Variants in PTPRT observed in about 807,000 individuals in gnomAD.
The protein encoded by PTPRT is protein tyrosine phosphatase receptor type T.
In PTPRT, 56 loss-of-function variants were observed where a neutral mutation model predicts 176.8. The observed-to-expected ratio is 0.32, with a 90% confidence interval of 0.26 to 0.40. The LOEUF (loss-of-function observed/expected upper bound fraction) is 0.40. PTPRT is among the 10% of genes least tolerant of loss of function. The pLI is 1.00. For synonymous variants in PTPRT, 783 were observed against 739.0 expected (o/e 1.06, Z -0.96); for missense variants, 1,540 against 1,908.2 (o/e 0.81, Z 3.60).
intron 6 of PTPRT, among the ~76,000 whole-genome samples, chr20:42,709,504 C>T (rs1185209861): frequency 6.6e-6 from 1 of 152,132 alleles, no homozygotes; most frequent in Non-Finnish European, 1.5e-5. Flanking sequence ...TTCCTGGGGC[C>T]CTTGCTAGAA....
chr20:42,072,224 A>G (rs1982376387), downstream of PTPRT, among the ~76,000 whole-genome samples: 1 of 152,228 alleles, frequency 6.6e-6, no homozygotes, highest in African/African-American at 2.4e-5. Flanking sequence ...GTAACAGCTC[A>G]TGTGCCCCAG....
In PTPRT at chr20:42,078,119, TC is replaced by T; in HGVS notation, c.*2759del. On this transcript the variant is annotated 3_prime_UTR_variant, in exon 31 of 31. Coordinates refer to ENST00000373187, the MANE Select transcript of PTPRT (RefSeq NM_007050.6). ...GGCCAGCAGGCCCAGTGGGGGTGGG[TC>T]CCCGGGGTCTGCTGAAATACACCTG... 1 of 187,658 alleles carries T rather than the reference TC, an allele frequency of 5.3e-6. No homozygotes were observed. The allele number at this position is 187,658 out of a possible 1,614,324, so 11.6% of individuals were successfully genotyped here.
At chr20:42,785,294 T>G (rs980380672) in intron 3 of PTPRT, among the ~76,000 whole-genome samples, 7 of 152,214 alleles carry the variant, frequency 4.6e-5, no homozygotes, top group Non-Finnish European at 8.8e-5. Context: ...ATTTCAGTGT[T>G]TATTACAGAG....
chr20:42,460,532 T>A (rs2071000312), intron 8 of PTPRT, among the ~76,000 whole-genome samples: 1 of 152,132 alleles, frequency 6.6e-6, no homozygotes, highest in South Asian at 2.1e-4. Context: ...TGATATGGTT[T>A]GGCTGTGACC....
chr20:42,716,080 G>T (rs1172282050), intron 6 of PTPRT, among the ~76,000 whole-genome samples: 1 of 152,070 alleles, frequency 6.6e-6, no homozygotes, highest in Non-Finnish European at 1.5e-5. Flanking sequence ...TTCCACTCTT[G>T]GTGGCTGCTC....
At chr20:42,292,057 T>G (rs1201222202) in intron 12 of PTPRT, among the ~76,000 whole-genome samples, 1 of 152,080 alleles carries the variant, frequency 6.6e-6, no homozygotes, top group Non-Finnish European at 1.5e-5. Context: ...ACCTCAACCT[T>G]TCCCTACCTT....
rs369441095 is a variant in PTPRT at position 42,926,852 on chromosome 20, C to T, written c.89-40920G>A. On this transcript the variant is annotated intron_variant, in intron 1 of 30. Coordinates refer to ENST00000373187, the MANE Select transcript of PTPRT (RefSeq NM_007050.6). Reference sequence around the variant, plus strand: ...CTTACAATGCATCCCCAAGAAAGGACGGCAGCTGCCACAAATGCTGCCATC... The same window carrying T: ...CTTACAATGCATCCCCAAGAAAGGATGGCAGCTGCCACAAATGCTGCCATC... Among the ~76,000 whole-genome samples, 24 of 152,292 alleles carry T rather than the reference C, an allele frequency of 1.6e-4. No individual in the cohort carries two copies. In the East Asian group the frequency reaches 3.5e-3, roughly 22 times the overall value.
chr20:43,116,404 C>T (rs572411941), intron 1 of PTPRT, among the ~76,000 whole-genome samples: 4 of 152,290 alleles, frequency 2.6e-5, no homozygotes, highest in Admixed American at 6.5e-5. Context: ...ACAGTGTTCA[C>T]CAGTGTTATT....
chr20:42,453,401 T>C (rs1333640798), intron 8 of PTPRT, among the ~76,000 whole-genome samples: 1 of 141,420 alleles, frequency 7.1e-6, no homozygotes, highest in East Asian at 2.0e-4. Flanking sequence ...ATTGTTCATA[T>C]TGTTTTTGTA....
intron 9 of PTPRT, among the ~76,000 whole-genome samples, chr20:42,442,300 C>T (rs944438795): frequency 6.6e-6 from 1 of 152,100 alleles, no homozygotes; most frequent in Non-Finnish European, 1.5e-5. Flanking sequence ...TCCTGGGGCC[C>T]GTGCTTTTTG....
At chr20:42,759,389 G>C (rs535655542) in intron 5 of PTPRT, among the ~76,000 whole-genome samples, 6 of 152,206 alleles carry the variant, frequency 3.9e-5, no homozygotes, top group Non-Finnish European at 8.8e-5. Flanking sequence ...AACTGGGCTG[G>C]GCGTGGTGGC....
intron 7 of PTPRT, among the ~76,000 whole-genome samples, chr20:42,547,221 A>G (rs2072691651): frequency 6.6e-6 from 1 of 152,172 alleles, no homozygotes; most frequent in South Asian, 2.1e-4. Flanking sequence ...AAATCTTGTA[A>G]AAATGCTACC....
At chr20:42,243,485 T>C (rs1187623750) in intron 14 of PTPRT, among the ~76,000 whole-genome samples, 13 of 152,184 alleles carry the variant, frequency 8.5e-5, no homozygotes, top group Non-Finnish European at 1.5e-5. Context: ...TGGTAACATT[T>C]GGGAGTCCTA....
At chr20:42,550,893 C>A (rs2072758697) in intron 7 of PTPRT, among the ~76,000 whole-genome samples, 1 of 152,088 alleles carries the variant, frequency 6.6e-6, no homozygotes, top group African/African-American at 2.4e-5. Flanking sequence ...CTCCTCATTA[C>A]CACAAGTAAA....
At chr20:42,043,307 T>G in the PTPRT span, among the ~76,000 whole-genome samples, 5 of 152,230 alleles carry the variant, frequency 3.3e-5, no homozygotes, top group African/African-American at 1.2e-4. Context: ...TAAGTTCCAT[T>G]AAGGCAGGGA....
chr20:42,227,600 GTTTTTTTTTTTTT>G (rs10854224), intron 15 of PTPRT, among the ~76,000 whole-genome samples: 1 of 61,868 alleles, frequency 1.6e-5, no homozygotes, highest in Admixed American at 2.5e-4. Context: ...GTCCCTCATT[GTTTTTTTTTTTTT>G]TTTTTTTTTT....
chr20:43,155,319 A>G (rs1396408717), intron 1 of PTPRT, among the ~76,000 whole-genome samples: 1 of 152,230 alleles, frequency 6.6e-6, no homozygotes, highest in Non-Finnish European at 1.5e-5. Flanking sequence ...AATGTGGTAA[A>G]TATACACAAT....
chr20:42,046,218 C>G, the PTPRT span, among the ~76,000 whole-genome samples: 1 of 152,192 alleles, frequency 6.6e-6, no homozygotes, highest in South Asian at 2.1e-4. Context: ...CCCGAGCCTG[C>G]AAGTCTCCTT....
intron 1 of PTPRT, among the ~76,000 whole-genome samples, chr20:43,164,675 G>A (rs2014807439): frequency 6.6e-6 from 1 of 152,186 alleles, no homozygotes; most frequent in South Asian, 2.1e-4. Flanking sequence ...CAGGGCATAC[G>A]GTTTCTGTTG....
Sources: gnomAD v4.1 joint callset for allele counts (sites outside exome capture counted in the v4.1 genomes callset) on GRCh38, gnomAD v4.1.1 for gene constraint, MANE v1.5 for transcripts, NCBI Gene and HGNC (gene_info 2026-07-23, HGNC 2026-07-21) for gene names.